GALNT13: variants seen among roughly 807,000 people sequenced by gnomAD.
GALNT13 encodes polypeptide N-acetylgalactosaminyltransferase 13, also known as UDP-GalNAc:polypeptide N-acetylgalactosaminyltransferase 13.
GALNT13 carries 28 observed loss-of-function variants against 64.2 expected under a neutral mutation model. That is an observed-to-expected ratio of 0.44 (90% confidence interval 0.32 to 0.60). The LOEUF is 0.60. Among genes scored for constraint, GALNT13 ranks in the 20% least tolerant of loss-of-function variants. The pLI, the probability that GALNT13 is intolerant of heterozygous loss-of-function variation, is 0.05. For synonymous variants in GALNT13, 214 were observed against 224.6 expected (o/e 0.95, Z 0.42); for missense variants, 577 against 669.8 (o/e 0.86, Z 1.53).
In GALNT13 at chr2:154,335,684, A is replaced by G. The variant is rs190694009; in HGVS notation, c.1156+34095A>G. Among the ~76,000 whole-genome samples the G allele has an allele frequency of 1.1e-4, 17 of 152,140 alleles. No homozygotes were observed. In the East Asian group the frequency reaches 3.1e-3, roughly 28 times the overall value. ...AAGTTATATTTATGCTTCATTAATT[A>G]TAACGCGTAATATTATAGGGATTAA... On this transcript the variant is annotated intron_variant, in intron 9 of 12. Transcript: ENST00000392825.
At chr2:153,827,555 G>A in the GALNT13 span, among the ~76,000 whole-genome samples, 13 of 151,118 alleles carry the variant, frequency 8.6e-5, no homozygotes, top group Non-Finnish European at 1.5e-5. Context: ...GAACCCGGGA[G>A]GCGGAGCTTG....
At chr2:153,275,432 G>A in the GALNT13 span, among the ~76,000 whole-genome samples, 1 of 152,162 alleles carries the variant, frequency 6.6e-6, no homozygotes. Flanking sequence ...AAAGAGGCTT[G>A]ATGAAGGAAG....
the GALNT13 span, among the ~76,000 whole-genome samples, chr2:153,128,295 C>A: frequency 9.9e-5 from 15 of 152,130 alleles, no homozygotes; most frequent in South Asian, 2.9e-3. Context: ...CTCACAATCA[C>A]GGTGGAAAGC....
At chr2:153,085,087 T>C in the GALNT13 span, among the ~76,000 whole-genome samples, 1 of 152,204 alleles carries the variant, frequency 6.6e-6, no homozygotes, top group African/African-American at 2.4e-5. Flanking sequence ...TCACTCTTTC[T>C]ATGCAAAGAG....
At chr2:153,399,699 G>A in the GALNT13 span, among the ~76,000 whole-genome samples, 1 of 152,088 alleles carries the variant, frequency 6.6e-6, no homozygotes, top group African/African-American at 2.4e-5. Flanking sequence ...GTGAATGGGA[G>A]TTCACTCATG....
At chr2:153,174,367 T>C in the GALNT13 span, among the ~76,000 whole-genome samples, 7 of 152,204 alleles carry the variant, frequency 4.6e-5, no homozygotes, top group East Asian at 1.9e-4. Context: ...GCAGTGTTTA[T>C]GCTGAGATGA....
At chr2:154,114,776 T>G (rs752322239) in intron 3 of GALNT13, among the ~76,000 whole-genome samples, 1 of 152,230 alleles carries the variant, frequency 6.6e-6, no homozygotes, top group Non-Finnish European at 1.5e-5. Context: ...CCTATTAATT[T>G]TAATTCTAGG....
chr2:154,069,461 A>T (rs1700634883), intron 3 of GALNT13, among the ~76,000 whole-genome samples: 1 of 152,032 alleles, frequency 6.6e-6, no homozygotes, highest in Non-Finnish European at 1.5e-5. Context: ...CTATTTTGAA[A>T]ATATTAAAAT....
chr2:153,813,480 C>A, the GALNT13 span, among the ~76,000 whole-genome samples: 1 of 152,092 alleles, frequency 6.6e-6, no homozygotes, highest in Non-Finnish European at 1.5e-5. Flanking sequence ...CAGACCAATT[C>A]CCCATTATGA....
chr2:153,146,053 G>A, the GALNT13 span, among the ~76,000 whole-genome samples: 1 of 151,896 alleles, frequency 6.6e-6, no homozygotes, highest in Non-Finnish European at 1.5e-5. Context: ...GAGTGAATTA[G>A]TAGCAGAGCC....
At chr2:153,844,307 T>G in the GALNT13 span, among the ~76,000 whole-genome samples, 1 of 152,238 alleles carries the variant, frequency 6.6e-6, no homozygotes, top group Non-Finnish European at 1.5e-5. Context: ...ACATGGAAGC[T>G]GCTAAGGCTT....
chr2:154,215,433 T>G (rs900305098), intron 4 of GALNT13, among the ~76,000 whole-genome samples: 1 of 152,156 alleles, frequency 6.6e-6, no homozygotes, highest in Non-Finnish European at 1.5e-5. Context: ...GATACCTTCA[T>G]GATCTAACCT....
intron 7 of GALNT13, 140 bp downstream of exon 7, chr2:154,246,122 C>T: frequency 2.1e-6 from 1 of 476,392 alleles, no homozygotes; most frequent in Non-Finnish European, 3.5e-6. Flanking sequence ...TTTACATAAT[C>T]ATATAAGGAT....
At chr2:153,738,580 A>G in the GALNT13 span, among the ~76,000 whole-genome samples, 7 of 151,768 alleles carry the variant, frequency 4.6e-5, no homozygotes, top group Admixed American at 2.6e-4. Flanking sequence ...TTTTATTTAC[A>G]TTGGTTTATG....
chr2:153,575,172 C>T, the GALNT13 span, among the ~76,000 whole-genome samples: 1 of 152,098 alleles, frequency 6.6e-6, no homozygotes, highest in East Asian at 1.9e-4. Flanking sequence ...TCTGGATTAC[C>T]AGGCAGAGAC....
At chr2:153,352,971 T>C in the GALNT13 span, among the ~76,000 whole-genome samples, 1 of 152,192 alleles carries the variant, frequency 6.6e-6, no homozygotes, top group South Asian at 2.1e-4. Context: ...ATAGAATCAG[T>C]TTGTTGATAT....
the GALNT13 span, among the ~76,000 whole-genome samples, chr2:153,070,529 A>G: frequency 1.3e-5 from 2 of 152,224 alleles, no homozygotes; most frequent in African/African-American, 4.8e-5. Context: ...CAAATGCAAG[A>G]TGCTAATAAT....
the GALNT13 span, among the ~76,000 whole-genome samples, chr2:153,594,381 G>T: frequency 6.6e-6 from 1 of 152,004 alleles, no homozygotes; most frequent in Non-Finnish European, 1.5e-5. Context: ...ACTGTACTTG[G>T]CTTTTGGAAA....
chr2:154,100,643 A>T (rs1702299192), intron 3 of GALNT13, among the ~76,000 whole-genome samples: 1 of 152,012 alleles, frequency 6.6e-6, no homozygotes, highest in African/African-American at 2.4e-5. Flanking sequence ...TTCATGTTGT[A>T]AGTGAAGAGA....
Sources: allele counts gnomAD v4.1 joint callset (sites outside exome capture counted in the v4.1 genomes callset), GRCh38; gene constraint gnomAD v4.1.1; transcripts MANE v1.5; gene names NCBI Gene and HGNC (gene_info 2026-07-23, HGNC 2026-07-21).